MTHFD2L: variants seen among roughly 807,000 people sequenced by gnomAD.
The protein encoded by MTHFD2L is methylenetetrahydrofolate dehydrogenase (NADP+ dependent) 2 like, also known as bifunctional methylenetetrahydrofolate dehydrogenase/cyclohydrolase 2, mitochondrial.
Under a neutral mutation model 34.9 loss-of-function variants are expected in MTHFD2L, and 29 were observed. The ratio of observed to expected loss-of-function variants is 0.83; its 90% confidence interval spans 0.62 to 1.13. MTHFD2L has a LOEUF of 1.13. Among genes scored for constraint, MTHFD2L ranks in the 50% most tolerant of loss-of-function variants. The pLI, the probability that MTHFD2L is intolerant of heterozygous loss-of-function variation, is 0.00. For synonymous variants in MTHFD2L, 167 were observed against 155.7 expected (o/e 1.07, Z -0.54); for missense variants, 481 against 446.5 (o/e 1.08, Z -0.70).
chr4:74,163,168 A>G (rs1312267476), intron 1 of MTHFD2L, among the ~76,000 whole-genome samples: 4 of 152,200 alleles, frequency 2.6e-5, no homozygotes, highest in Admixed American at 6.5e-5. Flanking sequence ...TTTCAGTATC[A>G]CAAAGTTGAG....
intron 5 of MTHFD2L, among the ~76,000 whole-genome samples, chr4:74,219,610 G>A (rs866034403): frequency 6.6e-6 from 1 of 152,080 alleles, no homozygotes; most frequent in Non-Finnish European, 1.5e-5. Flanking sequence ...ATAAGAATAG[G>A]TTTAAGAGGA....
intron 6 of MTHFD2L, among the ~76,000 whole-genome samples, chr4:74,259,143 A>C (rs900240176): frequency 2.0e-4 from 30 of 152,148 alleles, no homozygotes; most frequent in Admixed American, 2.0e-3. Flanking sequence ...TAAGAACACA[A>C]GGCTCTCTCT....
chr4:74,278,290 C>T (rs1301820618), intron 6 of MTHFD2L, among the ~76,000 whole-genome samples: 1 of 151,998 alleles, frequency 6.6e-6, no homozygotes, highest in Non-Finnish European at 1.5e-5. Flanking sequence ...ATCTGGAGAC[C>T]ATCTTAGTTT....
intron 6 of MTHFD2L, among the ~76,000 whole-genome samples, chr4:74,239,271 T>C (rs541960528): frequency 1.4e-4 from 22 of 152,146 alleles, no homozygotes; most frequent in Middle Eastern, 3.4e-3. Context: ...CACTCATAGG[T>C]GGGAACTGAA....
At chr4:74,235,235 T>C (rs549926443) in intron 6 of MTHFD2L, among the ~76,000 whole-genome samples, 1 of 152,278 alleles carries the variant, frequency 6.6e-6, no homozygotes, top group Non-Finnish European at 1.5e-5. Flanking sequence ...GGATAGCCCC[T>C]GTGCAGGGAT....
intron 7 of MTHFD2L, among the ~76,000 whole-genome samples, chr4:74,295,943 C>T (rs1019188245): frequency 6.6e-6 from 1 of 152,190 alleles, no homozygotes; most frequent in Non-Finnish European, 1.5e-5. Context: ...CTCTTGACAC[C>T]TTCACAGTGC....
At position 74,201,329 on chromosome 4, in the gene MTHFD2L, C is replaced by T. The variant is rs777248706; in HGVS notation, c.671C>T (p.Ala224Val). 4 of 1,613,628 alleles carry T rather than the reference C, an allele frequency of 2.5e-6. No homozygotes were observed. Among genetic ancestry groups the T allele is most frequent in the South Asian group, 2.2e-5 (2 of 91,044 alleles). The stretch of plus-strand genomic sequence containing the variant: ...TCCAAGAACGTAGGGATGCCTATTG[C>T]CATGCTTTTACACACTGATGGAGAG... The part of the protein sequence containing the change: ...GRSKNVGMPI[A>V]MLLHTDGEHE... Residue 224 changes from alanine (A) to valine (V), a missense_variant, in exon 5 of 8, where the codon GCC becomes GTC. Physicochemically the swap from Ala to Val is moderately conservative, Grantham distance 64. Coordinates refer to ENST00000325278, the MANE Select transcript of MTHFD2L (RefSeq NM_001144978.3).
chr4:74,233,901 T>C (rs889054438), intron 6 of MTHFD2L, among the ~76,000 whole-genome samples: 3 of 151,970 alleles, frequency 2.0e-5, no homozygotes, highest in African/African-American at 4.8e-5. Flanking sequence ...TTAGCTGAGG[T>C]TGATTTTTTT....
intron 1 of MTHFD2L, among the ~76,000 whole-genome samples, chr4:74,159,265 C>T (rs1194887791): frequency 6.6e-6 from 1 of 152,088 alleles, no homozygotes; most frequent in African/African-American, 2.4e-5. Context: ...CTAGGTCTTC[C>T]ACAAGGATAT....
At chr4:74,157,979 G>A (rs1423829050), upstream of MTHFD2L, 1 of 1,153,650 alleles carries the variant, frequency 8.7e-7, no homozygotes, top group East Asian at 2.6e-5. Flanking sequence ...CCGGTCCTGG[G>A]AACCGCTCTT....
At chr4:74,258,568 A>T (rs139272909) in intron 6 of MTHFD2L, among the ~76,000 whole-genome samples, 44 of 151,904 alleles carry the variant, frequency 2.9e-4, no homozygotes, top group African/African-American at 1.1e-3. Flanking sequence ...TAACTGCAGG[A>T]CTTGAGTATA....
intron 1 of MTHFD2L, among the ~76,000 whole-genome samples, chr4:74,130,957 G>C (rs1308575972): frequency 6.6e-6 from 1 of 152,000 alleles, no homozygotes; most frequent in Non-Finnish European, 1.5e-5. Flanking sequence ...GACAAACAGA[G>C]AACTAAATCC....
At chr4:74,179,002 A>G (rs939059678) in intron 3 of MTHFD2L, among the ~76,000 whole-genome samples, 4 of 152,052 alleles carry the variant, frequency 2.6e-5, no homozygotes, top group South Asian at 2.1e-4. Context: ...TGTGCTTACT[A>G]TGTGGCAGGC....
chr4:74,253,913 A>T (rs1028013860), intron 6 of MTHFD2L, among the ~76,000 whole-genome samples: 2 of 152,114 alleles, frequency 1.3e-5, no homozygotes, highest in African/African-American at 4.8e-5. Flanking sequence ...TCCAGACTCT[A>T]GGCCTGTCCC....
chr4:74,194,423 T>C (rs1229742169), intron 3 of MTHFD2L: 3 of 152,194 alleles, frequency 2.0e-5, no homozygotes, highest in Non-Finnish European at 4.4e-5. Flanking sequence ...CCTCTACATC[T>C]GTTTGTTTTT....
intron 6 of MTHFD2L, among the ~76,000 whole-genome samples, chr4:74,279,938 C>A (rs1390884357): frequency 6.6e-6 from 1 of 152,032 alleles, no homozygotes; most frequent in Non-Finnish European, 1.5e-5. Flanking sequence ...TGTTTATAGC[C>A]TTTAAACTCT....
chr4:74,185,480 G>C (rs1002325985), intron 3 of MTHFD2L, among the ~76,000 whole-genome samples: 1 of 152,010 alleles, frequency 6.6e-6, no homozygotes, highest in Admixed American at 6.6e-5. Context: ...ATAAAGAACA[G>C]AGTAGAAATT....
At chr4:74,175,156 T>G (rs1728783340) in intron 2 of MTHFD2L, 125 bp from the exon 3 acceptor site, 1 of 1,010,226 alleles carries the variant, frequency 9.9e-7, no homozygotes. Context: ...AAATCCTTCC[T>G]GATGATGCAT....
chr4:74,298,126 A>G (rs1749847055), intron 7 of MTHFD2L, among the ~76,000 whole-genome samples: 3 of 152,124 alleles, frequency 2.0e-5, no homozygotes, highest in Admixed American at 1.3e-4. Context: ...TCTCATGACC[A>G]TATACAGGGT....
Sources: gnomAD v4.1 joint callset for allele counts (sites outside exome capture counted in the v4.1 genomes callset) on GRCh38, gnomAD v4.1.1 for gene constraint, MANE v1.5 for transcripts, NCBI Gene and HGNC (gene_info 2026-07-23, HGNC 2026-07-21) for gene names.